Variants in CPEB3 observed in about 807,000 individuals in gnomAD.
CPEB3 encodes the protein cytoplasmic polyadenylation element binding protein 3, also known as cytoplasmic polyadenylation element-binding protein 3.
CPEB3 carries 20 observed loss-of-function variants against 67.2 expected under a neutral mutation model. That is an observed-to-expected ratio of 0.30 (90% CI 0.21 to 0.43). The LOEUF is 0.43. Ranked by LOEUF, CPEB3 falls within the 20% of genes least tolerant of loss-of-function variation. CPEB3 has a pLI of 1.00. For missense variants in CPEB3, 746 were observed against 968.6 expected (o/e 0.77, Z 3.05); for synonymous variants, 376 against 393.1 (o/e 0.96, Z 0.51).
At chr10:92,191,422 A>G (rs1050298533) in intron 3 of CPEB3, among the ~76,000 whole-genome samples, 4 of 152,108 alleles carry the variant, frequency 2.6e-5, no homozygotes, top group Non-Finnish European at 4.4e-5. Flanking sequence ...AAAAAAAAAT[A>G]AACTCACTTT....
chr10:92,257,954 TCCTGA>T, intron 1 of CPEB3, among the ~76,000 whole-genome samples: 1 of 152,140 alleles, frequency 6.6e-6, no homozygotes, highest in Middle Eastern at 3.4e-3. Flanking sequence ...GGTCTCACAC[TCCTGA>T]CCTCAGATGA....
chr10:92,250,797 C>G lies in CPEB3; in HGVS notation c.-11-10436G>C, dbSNP rs1274307705. On this transcript the variant is annotated intron_variant, in intron 1 of 9. Transcript: ENST00000265997. The stretch of plus-strand genomic sequence containing the variant: ...CTCCACCTCCCAGGTTCAAGCAATT[C>G]TCATGGCTTAGCATCCCAAGTAGCT... 2.0e-5 allele frequency among the ~76,000 whole-genome samples: 3 copies of G among 151,336 alleles called. No homozygotes were observed. The South Asian group carries it at 6.3e-4, about 32-fold the overall frequency.
chr10:92,210,802 C>T (rs1049385072), intron 2 of CPEB3, among the ~76,000 whole-genome samples: 1 of 151,274 alleles, frequency 6.6e-6, no homozygotes, highest in African/African-American at 2.4e-5. Flanking sequence ...CTTTGGGAGG[C>T]CAAGGCGGGC....
At chr10:92,077,485 A>G (rs1442511134) in intron 9 of CPEB3, among the ~76,000 whole-genome samples, 3 of 152,142 alleles carry the variant, frequency 2.0e-5, no homozygotes, top group African/African-American at 7.2e-5. Flanking sequence ...GGCCGAGCAC[A>G]GTGGTTCAAG....
chr10:92,090,820 A>G (rs1207980191), intron 8 of CPEB3, among the ~76,000 whole-genome samples: 1 of 152,208 alleles, frequency 6.6e-6, no homozygotes, highest in African/African-American at 2.4e-5. Context: ...CTCCGACTGC[A>G]GATAAAAGGG....
At chr10:92,278,409 C>G (rs1406614516) in intron 1 of CPEB3, among the ~76,000 whole-genome samples, 1 of 152,012 alleles carries the variant, frequency 6.6e-6, no homozygotes, top group Non-Finnish European at 1.5e-5. Context: ...ACAATAATGT[C>G]TTTTACTTTT....
intron 1 of CPEB3, among the ~76,000 whole-genome samples, chr10:92,290,135 T>TA (rs920164674): frequency 6.6e-6 from 1 of 152,088 alleles, no homozygotes; most frequent in Admixed American, 6.6e-5. Flanking sequence ...TTTCATTTTT[T>TA]AAAAAATCAA....
In CPEB3 at chr10:92,047,265, A is replaced by AT. The variant is rs35944165; in HGVS notation, c.*4946_*4947insA. 4 of 74,236 alleles carry AT rather than the reference A, an allele frequency of 5.4e-5. No individual in the cohort carries two copies. The highest frequency in any genetic ancestry group is 1.1e-4 in the Non-Finnish European group (3 of 27,426). 4.6% of individuals were successfully genotyped at this position (74,236 alleles called of 1,614,324 possible). ...TAGAGAAGTTTGGTTATTATAAAAG[A>AT]AAAAAAAAAACAAATGTTAGCTGAC... On this transcript the variant is annotated 3_prime_UTR_variant, in exon 10 of 10. Coordinates refer to ENST00000265997, the MANE Select transcript of CPEB3 (RefSeq NM_014912.5).
chr10:92,156,223 T>C (rs1590258306), intron 4 of CPEB3, among the ~76,000 whole-genome samples: 1 of 152,020 alleles, frequency 6.6e-6, no homozygotes, highest in Non-Finnish European at 1.5e-5. Context: ...TTTGAACTAG[T>C]AAAATAAGGA....
intron 5 of CPEB3, among the ~76,000 whole-genome samples, chr10:92,143,353 G>A (rs1846528930): frequency 6.6e-6 from 1 of 152,062 alleles, no homozygotes; most frequent in Admixed American, 6.6e-5. Flanking sequence ...TCCTTTCACT[G>A]CCAATAAACT....
chr10:92,214,858 C>CT (rs1292900370), intron 2 of CPEB3, among the ~76,000 whole-genome samples: 2 of 150,830 alleles, frequency 1.3e-5, no homozygotes, highest in Non-Finnish European at 3.0e-5. Flanking sequence ...TTTGTTATTT[C>CT]TTTTTTTTGA....
At chr10:92,058,204 T>G (rs1051859832) in intron 9 of CPEB3, among the ~76,000 whole-genome samples, 2 of 152,182 alleles carry the variant, frequency 1.3e-5, no homozygotes, top group Non-Finnish European at 1.5e-5. Flanking sequence ...CAAAGGTCAC[T>G]ATATAATGAT....
intron 4 of CPEB3, among the ~76,000 whole-genome samples, chr10:92,165,765 G>T (rs1326825484): frequency 1.3e-5 from 2 of 152,126 alleles, no homozygotes; most frequent in Non-Finnish European, 2.9e-5. Context: ...CACTTTCTTT[G>T]CTTGTACATA....
chr10:92,094,476 C>G (rs1843765156), intron 7 of CPEB3, among the ~76,000 whole-genome samples: 1 of 151,966 alleles, frequency 6.6e-6, no homozygotes, highest in African/African-American at 2.4e-5. Context: ...GTAGCGGGCG[C>G]CTGTGGTCCC....
chr10:92,138,082 T>C (rs1371435307), intron 6 of CPEB3: 3 of 156,054 alleles, frequency 1.9e-5, no homozygotes, highest in Non-Finnish European at 2.8e-5. Context: ...CATGGAGATA[T>C]GGAACAAAAG....
intron 6 of CPEB3, among the ~76,000 whole-genome samples, chr10:92,140,423 C>T (rs1436940878): frequency 6.6e-6 from 1 of 152,010 alleles, no homozygotes; most frequent in Non-Finnish European, 1.5e-5. Context: ...AACTGGCTAG[C>T]CATATGTAGA....
chr10:92,195,764 A>T (rs1160879399), intron 2 of CPEB3, among the ~76,000 whole-genome samples: 1 of 152,202 alleles, frequency 6.6e-6, no homozygotes, highest in African/African-American at 2.4e-5. Flanking sequence ...ATAATCCCTC[A>T]AGGTAGATAA....
At chr10:92,269,651 A>G (rs1853215918) in intron 1 of CPEB3, among the ~76,000 whole-genome samples, 1 of 152,014 alleles carries the variant, frequency 6.6e-6, no homozygotes, top group Admixed American at 6.6e-5. Context: ...TCTGCCTCCC[A>G]GGTTCAAGTG....
chr10:92,120,670 A>G (rs1282150826), intron 6 of CPEB3, among the ~76,000 whole-genome samples: 2 of 152,138 alleles, frequency 1.3e-5, no homozygotes, highest in Non-Finnish European at 2.9e-5. Context: ...TTCTCAGGAG[A>G]TATGTGCTGA....
Sources: gnomAD v4.1 joint callset for allele counts (sites outside exome capture counted in the v4.1 genomes callset) on GRCh38, gnomAD v4.1.1 for gene constraint, MANE v1.5 for transcripts, NCBI Gene and HGNC (gene_info 2026-07-23, HGNC 2026-07-21) for gene names.